MYH7B: variants seen among roughly 807,000 people sequenced by gnomAD.
MYH7B encodes myosin heavy chain 7B.
A neutral mutation model predicts 234.5 loss-of-function variants in MYH7B; 205 were observed. The ratio of observed to expected loss-of-function variants is 0.87; its 90% CI spans 0.78 to 0.98. MYH7B has a LOEUF of 0.98. MYH7B is among the 50% of genes least tolerant of loss of function. The pLI, the probability that MYH7B is intolerant of heterozygous loss-of-function variation, is 0.00. For missense variants in MYH7B, 2,652 were observed against 2,633.4 expected (o/e 1.01, Z -0.15); for synonymous variants, 1,193 against 1,105.0 (o/e 1.08, Z -1.58).
In MYH7B at chr20:34,966,031, A is replaced by G. The variant is rs371368685; in HGVS notation, c.-222+7819A>G. Among the ~76,000 whole-genome samples, 12 of 150,504 alleles carry G rather than the reference A, an allele frequency of 8.0e-5. No homozygotes were observed. In the South Asian group the frequency reaches 1.5e-3, roughly 18 times the overall value. On this transcript the variant is annotated intron_variant, in intron 2 of 44. Transcript: ENST00000262873. ...CTGTCCCTGAGAACTGGGTGTTTGC[A>G]TATTTGGAAGGGACTGAATCCTGAT...
exon 39 of MYH7B, chr20:35,000,542 G>C: frequency 6.3e-7 from 1 of 1,586,796 alleles, no homozygotes; most frequent in Middle Eastern, 2.1e-4. Context: ...TCCACGAGCA[G>C]GCGCAGGCTC....
At chr20:34,998,972 C>T in intron 35 of MYH7B, 57 bp downstream of exon 35, 3 of 1,585,304 alleles carry the variant, frequency 1.9e-6, no homozygotes, top group Non-Finnish European at 2.6e-6. Context: ...TGTGCCTGAG[C>T]CCCGCTGAGG....
At chr20:34,987,570 TGCCTACCTGATGGGG>T (rs2082052560) in exon 17 of MYH7B, 1 of 1,613,218 alleles carries the variant, frequency 6.2e-7, no homozygotes, top group Non-Finnish European at 8.5e-7. Flanking sequence ...CTGACAAGGC[TGCCTACCTGATGGGG>T]GTCAGCAGTG....
At chr20:34,970,009 C>T (rs1258210191) in intron 2 of MYH7B, among the ~76,000 whole-genome samples, 1 of 152,174 alleles carries the variant, frequency 6.6e-6, no homozygotes, top group Non-Finnish European at 1.5e-5. Flanking sequence ...GAATCTCCAC[C>T]ATTAAGAGGT....
Position 35,000,679 on chromosome 20 carries a change from TG to T in MYH7B, c.5169del (p.His1724IlefsTer8), listed in dbSNP as rs1462802904. 1 of 1,592,546 alleles carries T rather than the reference TG, an allele frequency of 6.3e-7. No homozygotes were observed. Among genetic ancestry groups the T allele is most frequent in the Non-Finnish European group, 8.5e-7 (1 of 1,170,472 alleles). ...GAGGCCACCGAGCGCCTCAACCTTC[TG>T]CATTCGCAGGTGGGGACAGGAGTCC... On this transcript the variant is annotated frameshift_variant, in exon 39 of 45. Transcript: ENST00000262873. LOFTEE classifies it high-confidence loss of function.
At chr20:34,982,622 C>CTTTT in intron 10 of MYH7B, 67 bp downstream of exon 10, 1 of 1,061,750 alleles carries the variant, frequency 9.4e-7, no homozygotes, top group Non-Finnish European at 1.3e-6. Context: ...TTCTTCCTCT[C>CTTTT]TTTTTTTTTT....
chr20:34,983,278 TC>T (rs1275120599), intron 10 of MYH7B, among the ~76,000 whole-genome samples: 2 of 117,216 alleles, frequency 1.7e-5, no homozygotes, highest in African/African-American at 6.4e-5. Flanking sequence ...CTTTCTTTTT[TC>T]TTTCTTTTCT....
At chr20:34,997,942 G>T (rs933067784) in intron 32 of MYH7B, among the ~76,000 whole-genome samples, 2 of 152,012 alleles carry the variant, frequency 1.3e-5, no homozygotes. Flanking sequence ...CTTAATACCT[G>T]TCCTCTCTTC....
chr20:34,986,746 G>A lies in MYH7B; in HGVS notation c.905-140G>A, dbSNP rs1211223677. 4 of 664,988 alleles carry A rather than the reference G, an allele frequency of 6.0e-6. No individual in the cohort carries two copies. In the African/African-American group the frequency reaches 7.2e-5, roughly 12 times the overall value. 41.2% of individuals were successfully genotyped at this position (664,988 alleles called of 1,614,324 possible). ...GTGAGGATGAGAAACTTAGGCCCCA[G>A]ACTGGGAGATGAGGTCCTCTGGGAG... On this transcript the variant is annotated intron_variant, in intron 14 of 44. Coordinates refer to ENST00000262873, the Ensembl canonical transcript of MYH7B.
exon 32 of MYH7B, chr20:34,997,274 G>A (rs1425890739): frequency 6.4e-7 from 1 of 1,558,364 alleles, no homozygotes; most frequent in South Asian, 1.2e-5. Context: ...AGCTGGAAGA[G>A]GAGCTGGAGG....
exon 16 of MYH7B, chr20:34,987,213 C>T (rs762281928): frequency 3.7e-6 from 6 of 1,612,376 alleles, no homozygotes; most frequent in Non-Finnish European, 5.1e-6. Flanking sequence ...ATCGTGGGCG[C>T]CCTCCTGCAC....
At chr20:34,967,957 A>G (rs890659577) in intron 2 of MYH7B, among the ~76,000 whole-genome samples, 2 of 152,160 alleles carry the variant, frequency 1.3e-5, no homozygotes, top group East Asian at 1.9e-4. Context: ...CACTGTCTCA[A>G]ATTCCACCTA....
chr20:34,962,118 T>A (rs1256139817), intron 2 of MYH7B, among the ~76,000 whole-genome samples: 1 of 152,074 alleles, frequency 6.6e-6, no homozygotes, highest in Non-Finnish European at 1.5e-5. Flanking sequence ...TCCCCACTAC[T>A]AGGGAGGCTG....
In MYH7B at chr20:34,984,704, A is replaced by G. The variant is rs746198309; in HGVS notation, c.637A>G (p.Thr213Ala). The G allele has an allele frequency of 7.5e-6, 12 of 1,604,494 alleles. No homozygotes were observed. In the African/African-American group the frequency reaches 1.6e-4, roughly 22 times the overall value. The change falls in exon 11 of 45, where the codon ACA becomes GCA. Residue 213 changes from threonine (T) to alanine (A), a missense_variant. By Grantham distance (58) the Thr-to-Ala change is moderately conservative. Around this residue, in one of 3 missense-constraint regions of MYH7B, gnomAD observed 366 missense variants for 401.2 expected, o/e 0.91. Transcript: ENST00000262873. The stretch of plus-strand genomic sequence containing the variant: ...CTTCTTCCCCCAGCAATTTCTGGCA[A>G]CAAAGACGGGGGTGAGTATGGGGCC...
chr20:35,000,294 C>A, exon 39 of MYH7B: 2 of 1,570,214 alleles, frequency 1.3e-6, no homozygotes, highest in Non-Finnish European at 8.6e-7. Context: ...CTCCCATAGG[C>A]GCAACCACCA....
chr20:34,985,081 A>C, exon 13 of MYH7B: 1 of 1,614,066 alleles, frequency 6.2e-7, no homozygotes, highest in Non-Finnish European at 8.5e-7. Flanking sequence ...GTTCATCCGC[A>C]TTCACTTTGG....
intron 2 of MYH7B, among the ~76,000 whole-genome samples, chr20:34,958,431 C>A (rs367554109): frequency 2.0e-5 from 3 of 152,118 alleles, no homozygotes; most frequent in African/African-American, 7.2e-5. Context: ...ATGTTTCATC[C>A]CTGGAGGCTG....
At position 34,971,850 on chromosome 20, in the gene MYH7B, C is replaced by T. The variant is rs569471674; in HGVS notation, c.-221-3550C>T. Among the ~76,000 whole-genome samples, 4 of 152,346 alleles carry T rather than the reference C, an allele frequency of 2.6e-5. No homozygotes were observed. The South Asian group carries it at 6.2e-4, about 24-fold the overall frequency. On this transcript the variant is annotated intron_variant, in intron 2 of 44. Transcript: ENST00000262873. ...GCGCCCCAACTCCTGCAGGATAAAG[C>T]TCCAGATCTGAATCTGGCCTTTGAA...
chr20:34,960,702 TG>T, intron 2 of MYH7B, among the ~76,000 whole-genome samples: 1 of 152,232 alleles, frequency 6.6e-6, no homozygotes, highest in Non-Finnish European at 1.5e-5. Flanking sequence ...GCCACTGCTT[TG>T]GCCATTCAGA....
Sources: gnomAD v4.1 joint callset for allele counts (sites outside exome capture counted in the v4.1 genomes callset) on GRCh38, gnomAD v4.1.1 for gene constraint, gnomAD v4.1.1 regional missense constraint, MANE v1.5 for transcripts, NCBI Gene and HGNC (gene_info 2026-07-23, HGNC 2026-07-21) for gene names.